Variants in APBB2 observed in about 807,000 individuals in gnomAD.
The protein encoded by APBB2 is amyloid beta precursor protein binding family B member 2.
In APBB2, 38 loss-of-function variants were observed where a neutral mutation model predicts 82.5. The ratio of observed to expected loss-of-function variants is 0.46; its 90% CI spans 0.36 to 0.60. The LOEUF (loss-of-function observed/expected upper bound fraction) is 0.60, where lower values mean the gene tolerates loss of function less well. Ranked by LOEUF, APBB2 falls within the 20% of genes least tolerant of loss-of-function variation. APBB2 has a pLI of 0.00. For synonymous variants in APBB2, 341 were observed against 368.2 expected (o/e 0.93, Z 0.85); for missense variants, 772 against 972.3 (o/e 0.79, Z 2.74).
chr4:41,127,065 C>G lies in APBB2; in HGVS notation c.-261+15922G>C, dbSNP rs987626017. ...CTTACCAGTGCCATGAGGCTAGACTCAATAAACTCACAATTCATTTCTCAC... is the reference window on the plus strand; with the variant it reads ...CTTACCAGTGCCATGAGGCTAGACTGAATAAACTCACAATTCATTTCTCAC... On this transcript the variant is annotated intron_variant, in intron 2 of 17. Transcript: ENST00000508593. This position sits in a 1 kb window ranked among gnomAD's most constrained non-coding sequence, Gnocchi z 4.8. Among the ~76,000 whole-genome samples the G allele has an allele frequency of 3.3e-5, 5 of 151,954 alleles. No homozygotes were observed. Among genetic ancestry groups the G allele is most frequent in the African/African-American group, 7.2e-5 (3 of 41,388 alleles).
intron 12 of APBB2, chr4:40,856,957 G>A: frequency 1.0e-6 from 1 of 985,496 alleles, no homozygotes; most frequent in Non-Finnish European, 1.2e-6. Flanking sequence ...GCGAGCTTGG[G>A]CTCGACCCCC....
intron 6 of APBB2, among the ~76,000 whole-genome samples, chr4:40,983,394 C>A (rs186049506): frequency 6.6e-6 from 1 of 152,174 alleles, no homozygotes; most frequent in Non-Finnish European, 1.5e-5. Flanking sequence ...GAATGAAATG[C>A]ACATTTTTAT....
At chr4:41,151,032 A>G (rs1205251729) in intron 1 of APBB2, among the ~76,000 whole-genome samples, 2 of 152,112 alleles carry the variant, frequency 1.3e-5, no homozygotes, top group Non-Finnish European at 2.9e-5. Flanking sequence ...AATCTACTGC[A>G]CCACAACTCT....
rs576984894 is a variant in APBB2, at chr4:41,093,715, G to A, written c.-149+6924C>T. ...ACTAAAAATACAAAATTAGCTGGGC[G>A]TGGTGGCGCACGCCTGTAATCCCAG... On this transcript the variant is annotated intron_variant, in intron 3 of 17. Transcript: ENST00000508593. Among the ~76,000 whole-genome samples the A allele has an allele frequency of 4.6e-5, 7 of 152,274 alleles. No individual in the cohort carries two copies. In the South Asian group the frequency reaches 8.3e-4, roughly 18 times the overall value.
intron 4 of APBB2, among the ~76,000 whole-genome samples, chr4:41,040,016 TTTTCTGCCCC>T (rs1280261990): frequency 2.6e-5 from 4 of 152,076 alleles, no homozygotes; most frequent in Non-Finnish European, 5.9e-5. Context: ...TCTGTATTCT[TTTTCTGCCCC>T]ATCCTGATTT....
At chr4:40,866,930 T>C (rs921378950) in intron 12 of APBB2, among the ~76,000 whole-genome samples, 3 of 152,090 alleles carry the variant, frequency 2.0e-5, no homozygotes, top group Non-Finnish European at 4.4e-5. Context: ...ACTGTGCAGT[T>C]TCCCGTGCAG....
At chr4:40,831,919 G>A (rs1752046519) in intron 12 of APBB2, among the ~76,000 whole-genome samples, 1 of 151,924 alleles carries the variant, frequency 6.6e-6, no homozygotes, top group Non-Finnish European at 1.5e-5. Flanking sequence ...AGAACCATGC[G>A]ATACGACTGT....
intron 3 of APBB2, among the ~76,000 whole-genome samples, chr4:41,078,923 T>C (rs1259798493): frequency 3.3e-5 from 5 of 152,262 alleles, no homozygotes; most frequent in Middle Eastern, 3.4e-3. Context: ...ACACTAACAT[T>C]CCCAGAGTGT....
intron 3 of APBB2, among the ~76,000 whole-genome samples, chr4:41,070,255 A>T (rs201521082): frequency 1.3e-5 from 2 of 152,146 alleles, no homozygotes; most frequent in Admixed American, 6.6e-5. Flanking sequence ...TACTTCTTTT[A>T]TAATAAAAGA....
intron 7 of APBB2, among the ~76,000 whole-genome samples, chr4:40,944,465 A>G (rs943047634): frequency 6.6e-6 from 1 of 152,214 alleles, no homozygotes. Context: ...CCCAAGGCTA[A>G]TAAGATACGC....
intron 2 of APBB2, among the ~76,000 whole-genome samples, chr4:41,114,198 C>T (rs1248467274): frequency 1.3e-5 from 2 of 152,162 alleles, no homozygotes; most frequent in East Asian, 3.8e-4. Context: ...TAATCCACCA[C>T]ATAAACAGAA....
intron 12 of APBB2, chr4:40,880,342 C>T (rs1016347850): frequency 3.0e-6 from 3 of 985,422 alleles, no homozygotes; most frequent in Non-Finnish European, 3.6e-6. Flanking sequence ...AGTCACTGGA[C>T]TCCCCAGGAA....
intron 10 of APBB2, 95 bp from the exon 11 acceptor site, chr4:40,893,506 A>G: frequency 8.6e-7 from 1 of 1,167,240 alleles, no homozygotes; most frequent in Non-Finnish European, 1.2e-6. Context: ...AAGGTACTAC[A>G]CTTAATGCAC....
At position 41,152,836 on chromosome 4, in the gene APBB2, A is replaced by C. The variant is rs550730215; in HGVS notation, c.-416-9694T>G. 1.5e-4 allele frequency among the ~76,000 whole-genome samples: 23 copies of C among 152,214 alleles called. 1 individual carries two copies. Among genetic ancestry groups the C allele is most frequent in the Non-Finnish European group, 2.5e-4 (17 of 68,030 alleles). On this transcript the variant is annotated intron_variant, in intron 1 of 17. Transcript: ENST00000508593. ...CTAGAGCCACTTTAGCTCCTCTTACAAATAAGTACTGGTGGAATGCAGGCT... is the reference window on the plus strand; with the variant it reads ...CTAGAGCCACTTTAGCTCCTCTTACCAATAAGTACTGGTGGAATGCAGGCT...
intron 12 of APBB2, among the ~76,000 whole-genome samples, chr4:40,872,066 G>A (rs1034818099): frequency 6.6e-6 from 1 of 152,228 alleles, no homozygotes; most frequent in Admixed American, 6.5e-5. Flanking sequence ...GCGCAGTTAC[G>A]CATCTTGCTT....
chr4:40,993,388 C>CA (rs924246957), intron 6 of APBB2, among the ~76,000 whole-genome samples: 9 of 83,998 alleles, frequency 1.1e-4, no homozygotes, highest in Admixed American at 8.6e-4. Flanking sequence ...TTTTTTTTAA[C>CA]AAAAATGTTT....
chr4:41,121,780 A>G (rs1367546593), intron 2 of APBB2, among the ~76,000 whole-genome samples: 2 of 152,076 alleles, frequency 1.3e-5, no homozygotes, highest in Non-Finnish European at 1.5e-5. Flanking sequence ...TAGGAGTGGG[A>G]GGAGCTTGGC....
intron 10 of APBB2, among the ~76,000 whole-genome samples, chr4:40,895,093 T>C (rs1004743677): frequency 2.0e-5 from 3 of 152,170 alleles, no homozygotes; most frequent in Non-Finnish European, 4.4e-5. Flanking sequence ...AGTGATCATA[T>C]TCGGTCAAGG....
At chr4:41,003,466 T>C (rs1244603623) in intron 6 of APBB2, among the ~76,000 whole-genome samples, 2 of 152,172 alleles carry the variant, frequency 1.3e-5, no homozygotes, top group Admixed American at 1.3e-4. Flanking sequence ...AACCTCAGCA[T>C]GTATCATCTT....
Sources: gnomAD v4.1 joint callset for allele counts (sites outside exome capture counted in the v4.1 genomes callset) on GRCh38, gnomAD v4.1.1 for gene constraint, Gnocchi (gnomAD v3.1) non-coding constraint, MANE v1.5 for transcripts, NCBI Gene and HGNC (gene_info 2026-07-23, HGNC 2026-07-21) for gene names.